NPEPPS: variants seen among roughly 807,000 people sequenced by gnomAD.
The protein encoded by NPEPPS is puromycin-sensitive aminopeptidase.
A neutral mutation model predicts 115.5 loss-of-function variants in NPEPPS; 14 were observed. The ratio of observed to expected loss-of-function variants is 0.12; its 90% confidence interval spans 0.08 to 0.19. The LOEUF is 0.19. Among genes scored for constraint, NPEPPS ranks in the 10% least tolerant of loss-of-function variants. The pLI is 1.00. For synonymous variants in NPEPPS, 285 were observed against 390.6 expected, an observed-to-expected ratio of 0.73 and a Z score of 3.19; for missense variants, 523 against 1,110.8, an observed-to-expected ratio of 0.47 and a Z score of 7.52.
At chr17:47,619,274 C>A in intron 21 of NPEPPS, 110 bp downstream of exon 21, 2 of 1,136,442 alleles carry the variant, frequency 1.8e-6, no homozygotes, top group Non-Finnish European at 2.6e-6. Context: ...TTTCCTGTGG[C>A]CAGGTGCAGT....
At chr17:47,556,547 C>T (rs1269184719) in intron 2 of NPEPPS, among the ~76,000 whole-genome samples, 7 of 152,176 alleles carry the variant, frequency 4.6e-5, no homozygotes, top group South Asian at 2.1e-4. Flanking sequence ...CTTTTCCATT[C>T]GACAAAACCG....
At chr17:47,612,019 G>C (rs1424740197) in intron 17 of NPEPPS, among the ~76,000 whole-genome samples, 1 of 151,974 alleles carries the variant, frequency 6.6e-6, no homozygotes, top group Non-Finnish European at 1.5e-5. Context: ...GGCTATTTGT[G>C]TGTCTTGGAG....
intron 16 of NPEPPS, among the ~76,000 whole-genome samples, chr17:47,604,802 ACT>A (rs1173583402): frequency 6.6e-6 from 1 of 152,056 alleles, no homozygotes; most frequent in Non-Finnish European, 1.5e-5. Context: ...CTTTTTCCTA[ACT>A]CTGTTAGTTC....
rs938067387 is a variant in NPEPPS at position 47,544,711 on chromosome 17, C to CTT, written c.256-1179_256-1178dup. Among the ~76,000 whole-genome samples the CTT allele has an allele frequency of 4.6e-3, 530 of 114,190 alleles. 11 individuals are homozygous for CTT. Among genetic ancestry groups the CTT allele is most frequent in the East Asian group, 5.5e-3 (22 of 4,010 alleles). 74.9% of individuals were successfully genotyped at this position (114,190 alleles called of 152,430 possible). ...ACCTTGCCTGGCTGATTTTTGTATT[C>CTT]TTTTTTTTTTTTTTTTTTTTGAGAC... On this transcript the variant is annotated intron_variant, in intron 1 of 22. Coordinates refer to ENST00000322157, the MANE Select transcript of NPEPPS (RefSeq NM_006310.4).
chr17:47,619,698 T>C (rs1914422600), intron 21 of NPEPPS, 39 bp from the exon 22 acceptor site: 1 of 1,564,440 alleles, frequency 6.4e-7, no homozygotes, highest in Non-Finnish European at 8.8e-7. Flanking sequence ...GTTCTCAGCC[T>C]CTTGGTTTCA....
In NPEPPS at chr17:47,562,634, A is replaced by G. The variant is rs111653632; in HGVS notation, c.341-6783A>G. On this transcript the variant is annotated intron_variant, in intron 2 of 22. Transcript: ENST00000322157. Reference sequence around the variant, plus strand: ...TGTGTGTGTGTGTGTGTGTGTGTGTATATGTGTGTGTTTGTAGAGGGCTAA... The same window carrying G: ...TGTGTGTGTGTGTGTGTGTGTGTGTGTATGTGTGTGTTTGTAGAGGGCTAA... Among the ~76,000 whole-genome samples, 251 of 140,908 alleles carry G rather than the reference A, an allele frequency of 1.8e-3. 1 individual carries two copies. Among genetic ancestry groups the G allele is most frequent in the African/African-American group, 3.7e-3 (139 of 37,846 alleles). The allele number at this position is 140,908 out of a possible 152,430, so 92.4% of individuals were successfully genotyped here.
At chr17:47,591,326 G>A (rs1339365196) in intron 10 of NPEPPS, among the ~76,000 whole-genome samples, 2 of 152,166 alleles carry the variant, frequency 1.3e-5, no homozygotes, top group East Asian at 1.9e-4. Context: ...AGCCGAGATC[G>A]TGCCATTGCA....
chr17:47,568,816 C>T (rs1466205900), intron 2 of NPEPPS, among the ~76,000 whole-genome samples: 14 of 152,014 alleles, frequency 9.2e-5, no homozygotes, highest in Middle Eastern at 3.4e-3. Context: ...CCACCACAGC[C>T]GGCTAGTTTT....
chr17:47,596,008 C>T, intron 12 of NPEPPS: 1 of 143,622 alleles, frequency 7.0e-6, no homozygotes, highest in Non-Finnish European at 1.5e-5. Flanking sequence ...AAAAAAAAAG[C>T]CAGGTGTTGT....
At chr17:47,524,233 C>T (rs1017294647) in intron 1 of NPEPPS, among the ~76,000 whole-genome samples, 14 of 150,986 alleles carry the variant, frequency 9.3e-5, no homozygotes, top group South Asian at 6.4e-4. Context: ...CTTGAACCCC[C>T]GGGAGGCGGA....
chr17:47,582,067 T>C (rs1567857106), intron 4 of NPEPPS: 1 of 152,272 alleles, frequency 6.6e-6, no homozygotes, highest in Non-Finnish European at 1.5e-5. Flanking sequence ...GAAAATTCTG[T>C]TTACTAAAGT....
chr17:47,538,202 CTTTTTTTTTT>C (rs543559258), intron 1 of NPEPPS, among the ~76,000 whole-genome samples: 11 of 58,498 alleles, frequency 1.9e-4, no homozygotes, highest in African/African-American at 5.7e-4. Flanking sequence ...CATATCTGTT[CTTTTTTTTTT>C]TTTTTTTTTT....
intron 1 of NPEPPS, among the ~76,000 whole-genome samples, chr17:47,535,348 G>A (rs1428687417): frequency 1.1e-4 from 16 of 148,118 alleles, no homozygotes; most frequent in Admixed American, 6.8e-4. Context: ...TCAGGAGATC[G>A]AGACCATCCT....
At chr17:47,529,398 T>C (rs914623208), upstream of NPEPPS, among the ~76,000 whole-genome samples, 9 of 144,822 alleles carry the variant, frequency 6.2e-5, no homozygotes, top group Non-Finnish European at 1.4e-4. Flanking sequence ...TCACCACACC[T>C]GGGCCCACTT....
intron 15 of NPEPPS, among the ~76,000 whole-genome samples, chr17:47,603,305 G>A (rs541629091): frequency 3.9e-5 from 6 of 152,116 alleles, no homozygotes; most frequent in Non-Finnish European, 5.9e-5. Flanking sequence ...CCAGCTGCTT[G>A]GGAGGGTGAG....
chr17:47,562,757 T>G (rs2143779185), intron 2 of NPEPPS, among the ~76,000 whole-genome samples: 1 of 149,694 alleles, frequency 6.7e-6, no homozygotes, highest in South Asian at 2.1e-4. Context: ...CCAACTTTAG[T>G]TAATTTAAAA....
intron 21 of NPEPPS, 97 bp downstream of exon 21, chr17:47,619,261 A>G (rs1354327819): frequency 9.5e-6 from 12 of 1,263,204 alleles, no homozygotes; most frequent in African/African-American, 3.0e-5. Flanking sequence ...TGCTCTTTAA[A>G]TGTTTCCTGT....
At position 47,585,578 on chromosome 17, in the gene NPEPPS, A is replaced by G. The variant is rs149179597; in HGVS notation, c.727A>G (p.Thr243Ala). 2.0e-4 allele frequency: 324 copies of G among 1,613,882 alleles called. No homozygotes were observed. The African/African-American group carries it at 3.8e-3, about 19-fold the overall frequency. Residue 243 changes from threonine (T) to alanine (A), a missense_variant, in exon 6 of 23, where the codon ACA (threonine) becomes GCA (alanine). This residue lies in a region of NPEPPS where 144 missense variants were observed against 512.4 expected (regional missense o/e 0.28). Transcript: ENST00000322157. ...GTTTGCCCGCACACCTGTTATGTCT[A>G]CATATCTGGTGGCATTTGTTGTGGG... ...VKFARTPVMS[T>A]YLVAFVVGEY... is the part of the protein sequence containing the mutation.
At chr17:47,561,390 A>G (rs1374956437) in intron 2 of NPEPPS, among the ~76,000 whole-genome samples, 2 of 150,314 alleles carry the variant, frequency 1.3e-5, no homozygotes, top group Non-Finnish European at 3.0e-5. Flanking sequence ...GTGCTATGAT[A>G]TTACGATATA....
Sources: allele counts gnomAD v4.1 joint callset (sites outside exome capture counted in the v4.1 genomes callset), GRCh38; gene constraint gnomAD v4.1.1; regional missense constraint gnomAD v4.1.1; transcripts MANE v1.5; gene names NCBI Gene and HGNC (gene_info 2026-07-23, HGNC 2026-07-21).